MAP4K3: variants seen among roughly 807,000 people sequenced by gnomAD.
MAP4K3 encodes the protein MAPK/ERK kinase kinase kinase 3.
A neutral mutation model predicts 143.5 loss-of-function variants in MAP4K3; 94 were observed. The ratio of observed to expected loss-of-function variants is 0.65; its 90% CI spans 0.55 to 0.78. The LOEUF (loss-of-function observed/expected upper bound fraction) is 0.78, where lower values mean the gene tolerates loss of function less well. Among genes scored for constraint, MAP4K3 ranks in the 30% least tolerant of loss-of-function variants. The pLI is 0.00. For missense variants in MAP4K3, 1,077 were observed against 1,068.1 expected (o/e 1.01, Z -0.12); for synonymous variants, 416 against 347.2 (o/e 1.20, Z -2.20).
chr2:39,345,545 A>G (rs973469995), intron 3 of MAP4K3, among the ~76,000 whole-genome samples: 5 of 152,218 alleles, frequency 3.3e-5, no homozygotes, highest in Non-Finnish European at 2.9e-5. Flanking sequence ...ATACAAAAAG[A>G]AAGCACAAGC....
intron 1 of MAP4K3, 78 bp downstream of exon 1, chr2:39,436,814 C>G (rs1050169698): frequency 1.6e-6 from 2 of 1,259,234 alleles, no homozygotes; most frequent in East Asian, 5.1e-5. Context: ...CGAGGACAGG[C>G]GGCAAGGGCT....
intron 1 of MAP4K3, among the ~76,000 whole-genome samples, chr2:39,408,032 C>G (rs1303744192): frequency 6.6e-6 from 1 of 152,026 alleles, no homozygotes; most frequent in African/African-American, 2.4e-5. Context: ...AGTTTATGAT[C>G]AGGACTGCTC....
chr2:39,317,972 C>T (rs1003053658), intron 12 of MAP4K3, among the ~76,000 whole-genome samples: 2 of 152,062 alleles, frequency 1.3e-5, no homozygotes, highest in Admixed American at 1.3e-4. Context: ...GTACTACTCA[C>T]AATAGCAAAA....
chr2:39,298,787 GA>G (rs1170120225), intron 16 of MAP4K3, among the ~76,000 whole-genome samples: 1 of 152,022 alleles, frequency 6.6e-6, no homozygotes, highest in African/African-American at 2.4e-5. Flanking sequence ...TCAACATGGT[GA>G]AACCCAGTCT....
At chr2:39,284,682 A>G (rs962777732) in intron 21 of MAP4K3, among the ~76,000 whole-genome samples, 10 of 151,632 alleles carry the variant, frequency 6.6e-5, no homozygotes, top group Admixed American at 1.3e-4. Context: ...CGTCTGTACT[A>G]AAAATACAAA....
At chr2:39,420,505 C>T (rs1416240784) in intron 1 of MAP4K3, among the ~76,000 whole-genome samples, 1 of 151,914 alleles carries the variant, frequency 6.6e-6, no homozygotes, top group East Asian at 1.9e-4. Context: ...CAGCCTTGAA[C>T]TCCTGGGCTC....
intron 16 of MAP4K3, among the ~76,000 whole-genome samples, chr2:39,296,900 CTAT>C (rs1573111730): frequency 6.6e-6 from 1 of 152,208 alleles, no homozygotes; most frequent in East Asian, 1.9e-4. Context: ...GAGGCAGGTA[CTAT>C]TATATTATCC....
intron 16 of MAP4K3, among the ~76,000 whole-genome samples, chr2:39,298,542 G>A (rs923211467): frequency 6.6e-6 from 1 of 152,036 alleles, no homozygotes; most frequent in African/African-American, 2.4e-5. Context: ...ATTAAAAAAA[G>A]AGAGAAACAT....
intron 12 of MAP4K3, among the ~76,000 whole-genome samples, chr2:39,321,846 T>A (rs1270569015): frequency 6.6e-6 from 1 of 152,238 alleles, no homozygotes; most frequent in African/African-American, 2.4e-5. Flanking sequence ...TTTTACCTTG[T>A]CTATGATGCA....
intron 12 of MAP4K3, 71 bp from the exon 13 acceptor site, chr2:39,315,459 C>G: frequency 3.0e-6 from 3 of 1,009,168 alleles, no homozygotes; most frequent in South Asian, 1.6e-5. Flanking sequence ...CAAAATTACC[C>G]AAATAGGAAA....
At position 39,325,773 on chromosome 2, in the gene MAP4K3, G is replaced by T. The variant is rs182117796; in HGVS notation, c.764C>A (p.Thr255Asn). The part of the protein sequence containing the change: ...SFHHFVKMAL[T>N]KNPKKRPTAE... The stretch of plus-strand genomic sequence containing the variant: ...AGTAGGTCTTTTTTTCGGATTTTTG[G>T]TAAGTGCCATTTTCACAAAGTGATG... The change falls in exon 11 of 34, where the codon ACC becomes AAC. Residue 255 changes from threonine (T) to asparagine (N), a missense_variant. By Grantham distance (65) the Thr-to-Asn change is moderately conservative. Around this residue, in one of 2 missense-constraint regions of MAP4K3, gnomAD observed 864 missense variants for 801.2 expected, o/e 1.08. Coordinates refer to ENST00000263881, the MANE Select transcript of MAP4K3 (RefSeq NM_003618.4). 12 of 1,609,678 alleles carry T rather than the reference G, an allele frequency of 7.5e-6. No homozygotes were observed. The highest frequency in any genetic ancestry group is 1.0e-5 in the Non-Finnish European group (12 of 1,178,412).
intron 2 of MAP4K3, among the ~76,000 whole-genome samples, chr2:39,363,236 G>A (rs968106773): frequency 4.6e-5 from 7 of 151,954 alleles, no homozygotes; most frequent in Non-Finnish European, 8.8e-5. Context: ...AAAAGCTTCC[G>A]CACAGCACAA....
chr2:39,279,082 T>G (rs1015888996), intron 23 of MAP4K3, among the ~76,000 whole-genome samples: 2 of 152,124 alleles, frequency 1.3e-5, no homozygotes, highest in African/African-American at 2.4e-5. Flanking sequence ...GGAAATTTAT[T>G]AAAAAGACTT....
At chr2:39,376,298 G>A (rs1421799716) in intron 2 of MAP4K3, among the ~76,000 whole-genome samples, 1 of 152,102 alleles carries the variant, frequency 6.6e-6, no homozygotes, top group Non-Finnish European at 1.5e-5. Flanking sequence ...GGGGGGAAAT[G>A]GGTAGCTGTA....
At chr2:39,411,934 T>C (rs745499961) in intron 1 of MAP4K3, among the ~76,000 whole-genome samples, 1 of 152,188 alleles carries the variant, frequency 6.6e-6, no homozygotes, top group Non-Finnish European at 1.5e-5. Flanking sequence ...ACAAAGTATG[T>C]CACATATATT....
chr2:39,309,475 G>T lies in MAP4K3; in HGVS notation c.1042C>A (p.Pro348Thr). The change falls in exon 14 of 34, where the codon CCA becomes ACA. Residue 348 changes from proline to threonine, a missense_variant. Around this residue, in one of 2 missense-constraint regions of MAP4K3, gnomAD observed 864 missense variants for 801.2 expected, o/e 1.08. Transcript: ENST00000263881. ...ATACTACTTACAAGTTCATGATGTG[G>T]TTCTGTCTCCTTTCTTAAGGGTGGA... The part of the protein sequence containing the change: ...FDPPLRKETE[P>T]HHELPDSDGF... 6.3e-7 allele frequency: 1 copy of T among 1,590,438 alleles called. No individual in the cohort carries two copies. Among genetic ancestry groups the T allele is most frequent in the Non-Finnish European group, 8.5e-7 (1 of 1,170,812 alleles).
rs557159803 is a variant in MAP4K3, at chr2:39,286,766, T to C, written c.1587+86A>G. The C allele has an allele frequency of 1.5e-5, 9 of 601,754 alleles. 1 individual carries two copies. Among genetic ancestry groups the C allele is most frequent in the African/African-American group, 3.7e-5 (2 of 53,954 alleles). The allele number at this position is 601,754 out of a possible 1,614,324, so 37.3% of individuals were successfully genotyped here. On this transcript the variant is annotated intron_variant, in intron 21 of 33. Transcript: ENST00000263881. ...GTAATTGTAAAATATACTAGTGCTA[T>C]AGTGTCACTAATTGTAAGCATAAAA...
At chr2:39,281,947 A>C (rs926470366) in intron 22 of MAP4K3, among the ~76,000 whole-genome samples, 1 of 152,084 alleles carries the variant, frequency 6.6e-6, no homozygotes, top group African/African-American at 2.4e-5. Context: ...TGATCCCAGC[A>C]CTTTGGGAGG....
rs868186845 is a variant in MAP4K3 at position 39,402,848 on chromosome 2, A to C, written c.97-24725T>G. Among the ~76,000 whole-genome samples the C allele has an allele frequency of 2.6e-5, 4 of 152,144 alleles. No homozygotes were observed. The South Asian group carries it at 8.3e-4, about 32-fold the overall frequency. The stretch of plus-strand genomic sequence containing the variant: ...AAAGGGAGAAGACACAAATTTACCA[A>C]TGTTGGGAAGTAGAGACATGACATC... On this transcript the variant is annotated intron_variant, in intron 1 of 33. Coordinates refer to ENST00000263881, the MANE Select transcript of MAP4K3 (RefSeq NM_003618.4).
Sources: gnomAD v4.1 joint callset for allele counts (sites outside exome capture counted in the v4.1 genomes callset) on GRCh38, gnomAD v4.1.1 for gene constraint, gnomAD v4.1.1 regional missense constraint, MANE v1.5 for transcripts, NCBI Gene and HGNC (gene_info 2026-07-23, HGNC 2026-07-21) for gene names.